OPCML: variants seen among roughly 807,000 people sequenced by gnomAD.
The protein encoded by OPCML is opioid binding protein/cell adhesion molecule like, also known as opioid-binding protein/cell adhesion molecule.
Under a neutral mutation model 37.8 loss-of-function variants are expected in OPCML, and 13 were observed. The observed-to-expected ratio is 0.34, with a 90% CI of 0.22 to 0.55. OPCML has a LOEUF of 0.55. Among genes scored for constraint, OPCML ranks in the 20% least tolerant of loss-of-function variants. The pLI is 0.91. For synonymous variants in OPCML, 176 were observed against 168.8 expected (o/e 1.04, Z -0.33); for missense variants, 341 against 435.6 (o/e 0.78, Z 1.93).
chr11:132,534,518 T>C (rs1251826652), intron 3 of OPCML, among the ~76,000 whole-genome samples: 1 of 152,202 alleles, frequency 6.6e-6, no homozygotes, highest in African/African-American at 2.4e-5. Context: ...TGGAAAAGGC[T>C]TTCCCAAAGA....
At chr11:132,814,056 A>G (rs774426458) in intron 2 of OPCML, among the ~76,000 whole-genome samples, 8 of 152,222 alleles carry the variant, frequency 5.3e-5, no homozygotes, top group Non-Finnish European at 1.2e-4. Flanking sequence ...ATCACAAAGT[A>G]TGTGTTTAGT....
chr11:132,739,957 T>TA (rs1192458187), intron 2 of OPCML, among the ~76,000 whole-genome samples: 2 of 152,060 alleles, frequency 1.3e-5, no homozygotes, highest in Non-Finnish European at 2.9e-5. Flanking sequence ...AGTACAATCT[T>TA]AAAAAAAGGC....
intron 1 of OPCML, chr11:133,422,271 G>T (rs1161631782): frequency 2.0e-6 from 2 of 984,066 alleles, no homozygotes; most frequent in Non-Finnish European, 2.4e-6. Context: ...GTGTGTCGTG[G>T]GACTCACCAC....
intron 2 of OPCML, among the ~76,000 whole-genome samples, chr11:132,748,604 G>T (rs1365894417): frequency 6.6e-6 from 1 of 152,218 alleles, no homozygotes; most frequent in African/African-American, 2.4e-5. Context: ...GTGAGCGCTG[G>T]CTGGAGAGGA....
At chr11:132,453,402 G>A (rs1284005836) in intron 4 of OPCML, among the ~76,000 whole-genome samples, 2 of 152,172 alleles carry the variant, frequency 1.3e-5, no homozygotes, top group Non-Finnish European at 2.9e-5. Context: ...TAGAGAGAAG[G>A]AAGCTCGGTG....
At chr11:133,191,401 A>G (rs1938307350) in intron 1 of OPCML, among the ~76,000 whole-genome samples, 1 of 152,214 alleles carries the variant, frequency 6.6e-6, no homozygotes, top group East Asian at 1.9e-4. Flanking sequence ...TAGAATGTTC[A>G]ATGTATATTT....
At chr11:133,353,948 T>A (rs996822718) in intron 1 of OPCML, among the ~76,000 whole-genome samples, 5 of 151,072 alleles carry the variant, frequency 3.3e-5, no homozygotes, top group Non-Finnish European at 7.4e-5. Context: ...TTTCTGTCCA[T>A]TTATTTTAGG....
intron 1 of OPCML, among the ~76,000 whole-genome samples, chr11:132,977,130 A>G (rs1021685793): frequency 4.6e-5 from 7 of 152,228 alleles, no homozygotes; most frequent in Admixed American, 6.5e-5. Context: ...TCTATTTGCA[A>G]GGTAGTTGGT....
At chr11:133,159,693 C>T (rs1950116016) in intron 1 of OPCML, among the ~76,000 whole-genome samples, 1 of 152,234 alleles carries the variant, frequency 6.6e-6, no homozygotes, top group Non-Finnish European at 1.5e-5. Flanking sequence ...TAATGGAAGG[C>T]AGGGCTCTGT....
rs539999667 is a variant in OPCML, at chr11:132,720,654, A to T, written c.147-63335T>A. Among the ~76,000 whole-genome samples the T allele has an allele frequency of 3.3e-5, 5 of 152,344 alleles. No individual in the cohort carries two copies. The East Asian group carries it at 5.8e-4, about 18-fold the overall frequency. ...CCGGGAATTTATTCTGGATGGAATT[A>T]TGGAGAGATGATTTCTAAATGTCTA... On this transcript the variant is annotated intron_variant, in intron 2 of 7. Coordinates refer to ENST00000524381, the MANE Select transcript of OPCML (RefSeq NM_001012393.5).
At chr11:132,607,329 C>T (rs1938365269) in intron 3 of OPCML, among the ~76,000 whole-genome samples, 1 of 152,138 alleles carries the variant, frequency 6.6e-6, no homozygotes, top group Non-Finnish European at 1.5e-5. Context: ...TGGGTGGGGT[C>T]TCTAGAGATA....
chr11:132,627,853 T>C (rs1231542248), intron 3 of OPCML, among the ~76,000 whole-genome samples: 2 of 152,330 alleles, frequency 1.3e-5, no homozygotes, highest in Admixed American at 6.5e-5. Context: ...CTCATTTCCA[T>C]AACTTTGGGA....
chr11:132,591,043 T>C (rs559381152), intron 3 of OPCML, among the ~76,000 whole-genome samples: 1 of 152,352 alleles, frequency 6.6e-6, no homozygotes, highest in East Asian at 1.9e-4. Context: ...ATTGCCTGTA[T>C]TTCTCCTCCC....
chr11:132,779,759 C>T lies in OPCML; in HGVS notation c.147-122440G>A, dbSNP rs565006037. 3.3e-5 allele frequency among the ~76,000 whole-genome samples: 5 copies of T among 152,242 alleles called. No homozygotes were observed. In the East Asian group the frequency reaches 9.7e-4, roughly 30 times the overall value. On this transcript the variant is annotated intron_variant, in intron 2 of 7. Coordinates refer to ENST00000524381, the MANE Select transcript of OPCML (RefSeq NM_001012393.5). ...AATACAAATAGGGAGCAGTGGCAGACTTTGCCACCAACTCTCCATCATTTT... is the reference window on the plus strand; with the variant it reads ...AATACAAATAGGGAGCAGTGGCAGATTTTGCCACCAACTCTCCATCATTTT...
intron 4 of OPCML, among the ~76,000 whole-genome samples, chr11:132,510,898 C>T (rs1180735722): frequency 6.6e-6 from 1 of 152,044 alleles, no homozygotes; most frequent in African/African-American, 2.4e-5. Flanking sequence ...AAGTGTTTTT[C>T]CTCTAATCAG....
At chr11:132,508,667 T>C (rs1000817494) in intron 4 of OPCML, among the ~76,000 whole-genome samples, 2 of 152,180 alleles carry the variant, frequency 1.3e-5, no homozygotes, top group African/African-American at 4.8e-5. Context: ...TGAGATCTAA[T>C]GGGCAATTAT....
intron 1 of OPCML, among the ~76,000 whole-genome samples, chr11:133,257,885 G>A (rs554518563): frequency 6.7e-4 from 98 of 147,060 alleles, no homozygotes; most frequent in Middle Eastern, 3.4e-3. Context: ...GGAGATCAAC[G>A]TAGCTGAACA....
chr11:132,764,005 C>A (rs1946352778), intron 2 of OPCML, among the ~76,000 whole-genome samples: 1 of 152,208 alleles, frequency 6.6e-6, no homozygotes, highest in African/African-American at 2.4e-5. Context: ...TCCCTCTAGG[C>A]CTCAAAGGCA....
chr11:133,193,381 A>C (rs1938402432), intron 1 of OPCML, among the ~76,000 whole-genome samples: 1 of 152,218 alleles, frequency 6.6e-6, no homozygotes, highest in Non-Finnish European at 1.5e-5. Context: ...AAATCTTAGA[A>C]GGTATCAAGC....
Sources: allele counts gnomAD v4.1 joint callset (sites outside exome capture counted in the v4.1 genomes callset), GRCh38; gene constraint gnomAD v4.1.1; transcripts MANE v1.5; gene names NCBI Gene and HGNC (gene_info 2026-07-23, HGNC 2026-07-21).